PTPRD: variants seen among roughly 807,000 people sequenced by gnomAD.
PTPRD encodes protein tyrosine phosphatase receptor type D.
A neutral mutation model predicts 214.5 loss-of-function variants in PTPRD; 34 were observed. The observed-to-expected ratio is 0.16, with a 90% confidence interval of 0.12 to 0.21. PTPRD has a LOEUF of 0.21. Among genes scored for constraint, PTPRD ranks in the 10% least tolerant of loss-of-function variants. The probability of loss-of-function intolerance (pLI) is 1.00; values close to 1 mark genes in which losing one functional copy is unlikely to be tolerated. For synonymous variants in PTPRD, 1,128 were observed against 845.7 expected, an observed-to-expected ratio of 1.33 and a Z score of -5.79; for missense variants, 2,545 against 2,398.7, an observed-to-expected ratio of 1.06 and a Z score of -1.27.
At chr9:9,375,345 C>T (rs541521824) in intron 9 of PTPRD, among the ~76,000 whole-genome samples, 2 of 152,138 alleles carry the variant, frequency 1.3e-5, no homozygotes, top group Non-Finnish European at 2.9e-5. Flanking sequence ...ATGCTATAAT[C>T]ACAGAACTTT....
chr9:9,173,012 C>T (rs544167643), intron 10 of PTPRD, among the ~76,000 whole-genome samples: 1 of 152,138 alleles, frequency 6.6e-6, no homozygotes, highest in Non-Finnish European at 1.5e-5. Context: ...TTACCAGCAG[C>T]TAACATGGCC....
intron 9 of PTPRD, among the ~76,000 whole-genome samples, chr9:9,338,300 G>A (rs1344124695): frequency 6.6e-6 from 1 of 152,114 alleles, no homozygotes; most frequent in African/African-American, 2.4e-5. Flanking sequence ...CCATTCTTAA[G>A]AATATGTGGT....
chr9:9,616,400 C>T (rs1564079575), intron 7 of PTPRD, among the ~76,000 whole-genome samples: 2 of 152,050 alleles, frequency 1.3e-5, no homozygotes, highest in East Asian at 1.9e-4. Flanking sequence ...AATCTTATCG[C>T]AACAAAAGTA....
chr9:8,758,584 G>A (rs10124556), intron 11 of PTPRD, among the ~76,000 whole-genome samples: 7,673 of 152,092 alleles, frequency 0.05, 478 homozygotes, highest in African/African-American at 0.15. Context: ...AAGTAACAAA[G>A]AAGCAAGAAA....
At chr9:8,378,344 C>T (rs990982256) in intron 37 of PTPRD, among the ~76,000 whole-genome samples, 2 of 151,884 alleles carry the variant, frequency 1.3e-5, no homozygotes, top group Non-Finnish European at 2.9e-5. Context: ...AAGCTAAAAC[C>T]CAGGTCACAG....
At chr9:9,240,270 T>C (rs1447050759) in intron 9 of PTPRD, among the ~76,000 whole-genome samples, 1 of 152,232 alleles carries the variant, frequency 6.6e-6, no homozygotes, top group Non-Finnish European at 1.5e-5. Flanking sequence ...TAAGTTAAAA[T>C]ACTGACACAT....
At chr9:8,461,288 T>G (rs1281044592) in intron 32 of PTPRD, among the ~76,000 whole-genome samples, 1 of 152,126 alleles carries the variant, frequency 6.6e-6, no homozygotes, top group Non-Finnish European at 1.5e-5. Context: ...AGTTCTCACT[T>G]AGTTTTATTA....
chr9:9,511,715 T>C (rs1267927573), intron 8 of PTPRD, among the ~76,000 whole-genome samples: 1 of 151,806 alleles, frequency 6.6e-6, no homozygotes, highest in Non-Finnish European at 1.5e-5. Flanking sequence ...TTTAAACATA[T>C]ATTAATACTT....
intron 7 of PTPRD, among the ~76,000 whole-genome samples, chr9:9,589,450 C>T (rs1014052969): frequency 9.2e-5 from 14 of 151,758 alleles, no homozygotes; most frequent in African/African-American, 3.4e-4. Flanking sequence ...TGATTTGTAG[C>T]AATTAAGACA....
chr9:9,545,918 T>C (rs2078687447), intron 8 of PTPRD, among the ~76,000 whole-genome samples: 1 of 151,838 alleles, frequency 6.6e-6, no homozygotes, highest in African/African-American at 2.4e-5. Flanking sequence ...AGTCTTCCTA[T>C]TTATAAGTAT....
chr9:8,324,221 G>A (rs1359823187), intron 44 of PTPRD, among the ~76,000 whole-genome samples: 1 of 151,826 alleles, frequency 6.6e-6, no homozygotes, highest in Admixed American at 6.6e-5. Context: ...ATCTACATTA[G>A]GTATATCTCC....
intron 8 of PTPRD, among the ~76,000 whole-genome samples, chr9:9,521,500 C>G (rs978939062): frequency 2.0e-5 from 3 of 152,142 alleles, no homozygotes; most frequent in Non-Finnish European, 4.4e-5. Flanking sequence ...CTGGAAGAAA[C>G]CTTACTGTTC....
At chr9:8,913,710 A>G (rs1006939584) in intron 11 of PTPRD, among the ~76,000 whole-genome samples, 5 of 152,086 alleles carry the variant, frequency 3.3e-5, no homozygotes, top group African/African-American at 1.2e-4. Flanking sequence ...CTGTCTTCCA[A>G]ATGAAGAGTG....
intron 9 of PTPRD, among the ~76,000 whole-genome samples, chr9:9,223,721 G>T (rs1004045916): frequency 9.9e-5 from 15 of 151,836 alleles, no homozygotes; most frequent in African/African-American, 3.6e-4. Context: ...ACATTATCAG[G>T]CAAAGTGCAT....
intron 2 of PTPRD, among the ~76,000 whole-genome samples, chr9:10,425,786 TTTAA>T (rs2098608082): frequency 6.6e-6 from 1 of 151,944 alleles, no homozygotes; most frequent in Non-Finnish European, 1.5e-5. Flanking sequence ...GTGTAAAAAT[TTTAA>T]TTAAACTAAT....
At position 8,500,778 on chromosome 9, in the gene PTPRD, C is replaced by G; in HGVS notation, c.2104G>C (p.Val702Leu). Residue 702 changes from valine (V) to leucine (L), a missense_variant, in exon 24 of 46, where the codon GTG (valine) becomes CTG (leucine). Coordinates refer to ENST00000381196, the MANE Select transcript of PTPRD (RefSeq NM_002839.4). The stretch of plus-strand genomic sequence containing the variant: ...CCATCTTCATTGGTTCGAATCAACA[C>G]GGACAAGCTCTCAGGGCCAGGGCCG... The part of the protein sequence containing the change: ...DVGPGPESLS[V>L]LIRTNEDVPS... 2 of 1,614,056 alleles carry G rather than the reference C, an allele frequency of 1.2e-6. No individual in the cohort carries two copies. The highest frequency in any genetic ancestry group is 1.3e-5 in the African/African-American group (1 of 75,012).
intron 9 of PTPRD, among the ~76,000 whole-genome samples, chr9:9,390,981 G>A (rs532593500): frequency 7.2e-5 from 11 of 152,246 alleles, no homozygotes; most frequent in Admixed American, 2.6e-4. Flanking sequence ...TGTTTATCAA[G>A]ATATCTTGAT....
At chr9:9,459,695 A>T (rs1326463967) in intron 8 of PTPRD, among the ~76,000 whole-genome samples, 1 of 152,150 alleles carries the variant, frequency 6.6e-6, no homozygotes, top group Non-Finnish European at 1.5e-5. Flanking sequence ...GAAATCACAG[A>T]TGTCACAAAC....
At chr9:9,337,229 G>A (rs2044881303) in intron 9 of PTPRD, among the ~76,000 whole-genome samples, 1 of 152,122 alleles carries the variant, frequency 6.6e-6, no homozygotes, top group South Asian at 2.1e-4. Context: ...GCAACATTAT[G>A]TCCAATCACT....
Sources: allele counts gnomAD v4.1 joint callset (sites outside exome capture counted in the v4.1 genomes callset), GRCh38; gene constraint gnomAD v4.1.1; transcripts MANE v1.5; gene names NCBI Gene and HGNC (gene_info 2026-07-23, HGNC 2026-07-21).